Variants in IL1RAPL2 observed in about 807,000 individuals in gnomAD.
IL1RAPL2 encodes interleukin 1 receptor accessory protein like 2.
A neutral mutation model predicts 44.1 loss-of-function variants in IL1RAPL2; 3 were observed. The observed-to-expected ratio is 0.07, with a 90% CI of 0.03 to 0.18. IL1RAPL2 has a LOEUF of 0.18. IL1RAPL2 is among the 10% of genes least tolerant of loss of function. IL1RAPL2 has a pLI of 1.00. For missense variants in IL1RAPL2, 391 were observed against 496.4 expected (o/e 0.79, Z 2.02); for synonymous variants, 181 against 178.8 (o/e 1.01, Z -0.10).
chrX:104,868,464 G>A (rs1002825416), intron 2 of IL1RAPL2, among the ~76,000 whole-genome samples: 21 of 111,305 alleles, frequency 1.9e-4, no homozygotes, highest in Non-Finnish European at 3.6e-4. Context: ...CCATTCCTTC[G>A]TTTTCATTTT....
intron 1 of IL1RAPL2, among the ~76,000 whole-genome samples, chrX:104,650,067 G>A (rs1930124072): frequency 9.0e-6 from 1 of 111,275 alleles, no homozygotes; most frequent in Non-Finnish European, 1.9e-5. Context: ...TGTCTTAGCA[G>A]CTTCATTCTT....
chrX:104,589,068 T>C (rs2147996062), intron 1 of IL1RAPL2, among the ~76,000 whole-genome samples: 1 of 111,760 alleles, frequency 8.9e-6, no homozygotes, highest in East Asian at 2.8e-4. Flanking sequence ...TTGCAAATTT[T>C]TTTGTGTGAA....
intron 2 of IL1RAPL2, among the ~76,000 whole-genome samples, chrX:105,152,335 G>A (rs1005838176): frequency 9.0e-6 from 1 of 111,669 alleles, no homozygotes; most frequent in African/African-American, 3.3e-5. Flanking sequence ...CACTGAATGT[G>A]CTCTATGGCC....
At chrX:104,840,094 G>C (rs1408956532) in intron 2 of IL1RAPL2, among the ~76,000 whole-genome samples, 1 of 110,973 alleles carries the variant, frequency 9.0e-6, no homozygotes, top group Non-Finnish European at 1.9e-5. Context: ...GTTATTTTTT[G>C]TTTTCTGCTA....
intron 2 of IL1RAPL2, among the ~76,000 whole-genome samples, chrX:105,049,159 TG>T (rs1569369903): frequency 9.6e-6 from 1 of 104,198 alleles, no homozygotes; most frequent in African/African-American, 3.9e-5. Flanking sequence ...TTACTACTTA[TG>T]GTTTTTTTTT....
intron 2 of IL1RAPL2, among the ~76,000 whole-genome samples, chrX:104,790,250 A>G (rs1932818405): frequency 8.9e-6 from 1 of 112,015 alleles, no homozygotes; most frequent in South Asian, 3.7e-4. Context: ...GGGTGAGGGG[A>G]AGAAAAAGAT....
intron 2 of IL1RAPL2, among the ~76,000 whole-genome samples, chrX:105,004,386 C>A (rs2030905877): frequency 9.1e-6 from 1 of 110,383 alleles, no homozygotes; most frequent in Admixed American, 9.7e-5. Flanking sequence ...AAACTTCTTT[C>A]TTGTTTTTTA....
intron 6 of IL1RAPL2, among the ~76,000 whole-genome samples, chrX:105,568,567 T>C (rs369397885): frequency 2.7e-5 from 3 of 111,864 alleles, no homozygotes; most frequent in East Asian, 5.7e-4. Context: ...GGGTATGACT[T>C]ATATGTATTT....
chrX:105,418,225 AAAATG>A (rs1391186708), intron 5 of IL1RAPL2, among the ~76,000 whole-genome samples: 1 of 111,621 alleles, frequency 9.0e-6, no homozygotes, highest in African/African-American at 3.3e-5. Flanking sequence ...ACTGAAAAAA[AAAATG>A]AATGAATGGA....
At chrX:104,907,068 A>G (rs1250396015) in intron 2 of IL1RAPL2, among the ~76,000 whole-genome samples, 1 of 110,654 alleles carries the variant, frequency 9.0e-6, no homozygotes, top group African/African-American at 3.3e-5. Context: ...CATTTCTTCT[A>G]GATTTTCTAG....
chrX:105,672,621 C>G (rs1355630334), intron 6 of IL1RAPL2, among the ~76,000 whole-genome samples: 1 of 112,175 alleles, frequency 8.9e-6, no homozygotes. Context: ...GAGTGTGATT[C>G]TCATTAACAA....
At chrX:105,216,916 C>T (rs2033863832) in intron 3 of IL1RAPL2, among the ~76,000 whole-genome samples, 1 of 111,784 alleles carries the variant, frequency 8.9e-6, no homozygotes, top group Non-Finnish European at 1.9e-5. Context: ...AAAACTGAAA[C>T]TGGATCCCTT....
At chrX:105,612,824 C>A (rs1438823717) in intron 6 of IL1RAPL2, among the ~76,000 whole-genome samples, 1 of 112,086 alleles carries the variant, frequency 8.9e-6, no homozygotes, top group Non-Finnish European at 1.9e-5. Context: ...GGGAATCACC[C>A]ATCCCAGTGG....
intron 2 of IL1RAPL2, among the ~76,000 whole-genome samples, chrX:105,167,672 A>G (rs997750742): frequency 1.2e-5 from 1 of 83,825 alleles, no homozygotes; most frequent in African/African-American, 4.8e-5. Flanking sequence ...CTTGCAGTAG[A>G]AGTGGCACAG....
chrX:105,386,349 G>T (rs926811771), intron 5 of IL1RAPL2, among the ~76,000 whole-genome samples: 1 of 111,415 alleles, frequency 9.0e-6, no homozygotes, highest in African/African-American at 3.3e-5. Context: ...AAAAGTGCAG[G>T]TTTGTTTGAG....
At chrX:105,007,515 T>C (rs1429906914) in intron 2 of IL1RAPL2, among the ~76,000 whole-genome samples, 6 of 111,523 alleles carry the variant, frequency 5.4e-5, no homozygotes, top group Non-Finnish European at 1.1e-4. Flanking sequence ...TCCATCCTAA[T>C]TTAAATCCTA....
intron 2 of IL1RAPL2, among the ~76,000 whole-genome samples, chrX:105,030,361 G>C (rs1163696172): frequency 1.8e-5 from 2 of 111,435 alleles, no homozygotes; most frequent in African/African-American, 6.5e-5. Flanking sequence ...TTTTCTTCTA[G>C]GGTTTTTATG....
At chrX:105,549,960 C>G (rs774721558) in intron 6 of IL1RAPL2, among the ~76,000 whole-genome samples, 2 of 111,905 alleles carry the variant, frequency 1.8e-5, no homozygotes, top group Non-Finnish European at 3.8e-5. Context: ...AGATGCTTCC[C>G]TAAAATGTGG....
At chrX:105,456,738 A>G (rs957978259) in intron 5 of IL1RAPL2, among the ~76,000 whole-genome samples, 1 of 110,652 alleles carries the variant, frequency 9.0e-6, no homozygotes, top group African/African-American at 3.3e-5. Flanking sequence ...CATCCCATCT[A>G]TTGATATGTT....
Sources: allele counts gnomAD v4.1 joint callset (sites outside exome capture counted in the v4.1 genomes callset), GRCh38; gene constraint gnomAD v4.1.1; transcripts MANE v1.5; gene names NCBI Gene and HGNC (gene_info 2026-07-23, HGNC 2026-07-21).